The following KIF16B variants were observed in gnomAD, a reference collection of about 807,000 sequenced individuals.
The protein encoded by KIF16B is kinesin family member 16B.
KIF16B carries 98 observed loss-of-function variants against 156.3 expected under a neutral mutation model. That is an observed-to-expected ratio of 0.63 (90% CI 0.53 to 0.74). The LOEUF is 0.74. Among genes scored for constraint, KIF16B ranks in the 30% least tolerant of loss-of-function variants. The pLI, the probability that KIF16B is intolerant of heterozygous loss-of-function variation, is 0.00. For synonymous variants in KIF16B, 564 were observed against 583.7 expected (o/e 0.97, Z 0.49); for missense variants, 1,421 against 1,606.5 (o/e 0.88, Z 1.97).
At chr20:16,484,177 T>G (rs943582165) in intron 12 of KIF16B, among the ~76,000 whole-genome samples, 1 of 152,200 alleles carries the variant, frequency 6.6e-6, no homozygotes, top group South Asian at 2.1e-4. Context: ...TTTCTGAGCC[T>G]TTTTGCTCCA....
chr20:16,329,420 T>C (rs1387210644), intron 24 of KIF16B, among the ~76,000 whole-genome samples: 2 of 152,196 alleles, frequency 1.3e-5, no homozygotes, highest in Non-Finnish European at 2.9e-5. Context: ...TTAAAAGCCT[T>C]ACACTGATTT....
intron 15 of KIF16B, among the ~76,000 whole-genome samples, chr20:16,409,249 T>C (rs1456143764): frequency 6.6e-6 from 1 of 151,812 alleles, no homozygotes; most frequent in Non-Finnish European, 1.5e-5. Flanking sequence ...GCAATAATGA[T>C]CATGATGATG....
chr20:16,573,179 C>T (rs1353771198), intron 1 of KIF16B, 50 bp downstream of exon 1: 2 of 1,515,452 alleles, frequency 1.3e-6, no homozygotes, highest in Non-Finnish European at 1.8e-6. Context: ...AACAGGCTTC[C>T]TCTGGGTGGG....
At chr20:16,484,659 G>A (rs917775535) in intron 12 of KIF16B, among the ~76,000 whole-genome samples, 2 of 152,208 alleles carry the variant, frequency 1.3e-5, no homozygotes, top group African/African-American at 2.4e-5. Flanking sequence ...AAGGCTTTGC[G>A]TGTGATGGTA....
intron 15 of KIF16B, among the ~76,000 whole-genome samples, chr20:16,416,116 G>T (rs2066080665): frequency 6.6e-6 from 1 of 152,058 alleles, no homozygotes; most frequent in Non-Finnish European, 1.5e-5. Flanking sequence ...TTAGACCTTT[G>T]TCAGATGAAT....
At chr20:16,315,317 T>C (rs1029331494) in intron 24 of KIF16B, among the ~76,000 whole-genome samples, 3 of 152,136 alleles carry the variant, frequency 2.0e-5, no homozygotes, top group African/African-American at 7.2e-5. Flanking sequence ...AGGCCTATAA[T>C]CACAGGACCA....
chr20:16,519,189 A>G (rs1041816207), intron 3 of KIF16B, among the ~76,000 whole-genome samples: 15 of 152,148 alleles, frequency 9.9e-5, no homozygotes, highest in African/African-American at 1.4e-4. Flanking sequence ...TTCAACCAAC[A>G]TCAGTTTATC....
chr20:16,553,304 G>A (rs2070731899), intron 1 of KIF16B, among the ~76,000 whole-genome samples: 1 of 152,130 alleles, frequency 6.6e-6, no homozygotes, highest in Non-Finnish European at 1.5e-5. Context: ...GCCCTCCCAA[G>A]GAGCTCTACT....
At chr20:16,370,230 CA>C (rs2064783306) in intron 22 of KIF16B, among the ~76,000 whole-genome samples, 1 of 152,150 alleles carries the variant, frequency 6.6e-6, no homozygotes, top group South Asian at 2.1e-4. Context: ...ACTACCAACT[CA>C]CAGTCTATAA....
intron 12 of KIF16B, among the ~76,000 whole-genome samples, chr20:16,464,604 T>C (rs2067435243): frequency 1.3e-5 from 2 of 152,186 alleles, no homozygotes; most frequent in Admixed American, 1.3e-4. Context: ...GTCAAGGCGG[T>C]ACACAGTTTT....
At chr20:16,504,612 G>A in intron 9 of KIF16B, 65 bp from the exon 10 acceptor site, 1 of 1,464,718 alleles carries the variant, frequency 6.8e-7, no homozygotes. Context: ...CACAAAGTTG[G>A]TTTGTAATTT....
chr20:16,414,003 T>G (rs1408872856), intron 15 of KIF16B, among the ~76,000 whole-genome samples: 12 of 152,046 alleles, frequency 7.9e-5, no homozygotes, highest in Admixed American at 7.2e-4. Context: ...TTTATTTATA[T>G]TAAAATAAGT....
chr20:16,277,249 G>A (rs550805533), intron 25 of KIF16B, among the ~76,000 whole-genome samples: 2 of 152,284 alleles, frequency 1.3e-5, no homozygotes, highest in Non-Finnish European at 2.9e-5. Flanking sequence ...CAAAACCACC[G>A]ATTGGCTTTA....
chr20:16,316,579 C>T (rs1041441239), intron 24 of KIF16B, among the ~76,000 whole-genome samples: 1 of 152,086 alleles, frequency 6.6e-6, no homozygotes, highest in Non-Finnish European at 1.5e-5. Context: ...CTGATGCTGA[C>T]CTGCTGAATG....
At chr20:16,517,993 C>A (rs971941196) in intron 3 of KIF16B, among the ~76,000 whole-genome samples, 1 of 152,118 alleles carries the variant, frequency 6.6e-6, no homozygotes, top group Non-Finnish European at 1.5e-5. Flanking sequence ...CTATGCCTAC[C>A]ACTTTGCTAT....
At chr20:16,508,153 G>A in intron 6 of KIF16B, 53 bp from the exon 7 acceptor site, 2 of 1,586,138 alleles carry the variant, frequency 1.3e-6, no homozygotes, top group Non-Finnish European at 1.7e-6. Flanking sequence ...ATAGGAAATG[G>A]AATACAAAAT....
intron 12 of KIF16B, among the ~76,000 whole-genome samples, chr20:16,487,945 A>G (rs2068171024): frequency 6.6e-6 from 1 of 152,202 alleles, no homozygotes. Context: ...CCACATAATT[A>G]AAGTCTAAAT....
intron 18 of KIF16B, among the ~76,000 whole-genome samples, 190 bp from the exon 19 acceptor site, chr20:16,380,353 C>G (rs1040502130): frequency 6.6e-6 from 1 of 152,120 alleles, no homozygotes; most frequent in Non-Finnish European, 1.5e-5. Context: ...TTTTAACTGT[C>G]CAACATATCA....
chr20:16,378,626 A>G (rs1600242226), intron 19 of KIF16B, among the ~76,000 whole-genome samples, 179 bp downstream of exon 19: 1 of 152,288 alleles, frequency 6.6e-6, no homozygotes, highest in Admixed American at 6.5e-5. Flanking sequence ...GAGAAATACA[A>G]GAAGTTTAGG....
Sources: allele counts gnomAD v4.1 joint callset (sites outside exome capture counted in the v4.1 genomes callset), GRCh38; gene constraint gnomAD v4.1.1; transcripts MANE v1.5; gene names NCBI Gene and HGNC (gene_info 2026-07-23, HGNC 2026-07-21).